TSHZ3: variants seen among roughly 807,000 people sequenced by gnomAD.
TSHZ3 encodes the protein teashirt homolog 3.
TSHZ3 carries 10 observed loss-of-function variants against 64.5 expected under a neutral mutation model. That is an observed-to-expected ratio of 0.16 (90% confidence interval 0.10 to 0.26). TSHZ3 has a LOEUF of 0.26. Among genes scored for constraint, TSHZ3 ranks in the 10% least tolerant of loss-of-function variants. The probability of loss-of-function intolerance (pLI) is 1.00; values close to 1 mark genes in which losing one functional copy is unlikely to be tolerated. For synonymous variants in TSHZ3, 608 were observed against 593.1 expected, an observed-to-expected ratio of 1.03 and a Z score of -0.36; for missense variants, 1,242 against 1,421.7, an observed-to-expected ratio of 0.87 and a Z score of 2.03.
Position 31,200,667 on chromosome 19 carries a change from T to G in TSHZ3, n.809+4289A>C, listed in dbSNP as rs571164384. ...ACGATGTTGCATACTCATTAGGCAT[T>G]TCCCTAAATCTATAGAACACGCAAT... On this transcript the variant is annotated intron_variant and non_coding_transcript_variant, in intron 5 of 6. Coordinates refer to the TSHZ3 transcript ENST00000651361. 9.9e-5 allele frequency among the ~76,000 whole-genome samples: 15 copies of G among 152,276 alleles called. No homozygotes were observed. In the South Asian group the frequency reaches 3.1e-3, roughly 32 times the overall value.
At chr19:31,214,148 G>T (rs925065610) in intron 4 of TSHZ3, among the ~76,000 whole-genome samples, 1 of 152,154 alleles carries the variant, frequency 6.6e-6, no homozygotes, top group Non-Finnish European at 1.5e-5. Context: ...AAGTTTTGGC[G>T]CTTCCGGCTG....
chr19:31,310,246 C>T (rs1403364726), intron 1 of TSHZ3, among the ~76,000 whole-genome samples: 3 of 152,138 alleles, frequency 2.0e-5, no homozygotes, highest in Non-Finnish European at 4.4e-5. Context: ...TCCAAGCTGC[C>T]TCTCAATGGA....
chr19:31,150,246 G>C (rs549973362), exon 7 of TSHZ3, among the ~76,000 whole-genome samples: 22 of 152,316 alleles, frequency 1.4e-4, no homozygotes, highest in Admixed American at 1.0e-3. Flanking sequence ...AAGTCAGCCC[G>C]TGAGGCCCGT....
chr19:31,239,723 G>A (rs1259878182), intron 3 of TSHZ3, among the ~76,000 whole-genome samples: 1 of 151,146 alleles, frequency 6.6e-6, no homozygotes, highest in African/African-American at 2.4e-5. Context: ...GAGACTACAG[G>A]CATGTGACAA....
intron 1 of TSHZ3, among the ~76,000 whole-genome samples, chr19:31,304,061 G>T (rs1471807006): frequency 6.6e-6 from 1 of 151,552 alleles, no homozygotes; most frequent in Admixed American, 6.6e-5. Flanking sequence ...TGCAACCTCC[G>T]CCTCCCGGGT....
At chr19:31,309,012 G>A (rs1916376483) in intron 1 of TSHZ3, among the ~76,000 whole-genome samples, 1 of 152,238 alleles carries the variant, frequency 6.6e-6, no homozygotes, top group Non-Finnish European at 1.5e-5. Context: ...AGTCTTCTGT[G>A]AGCCAGTGAC....
intron 5 of TSHZ3, among the ~76,000 whole-genome samples, chr19:31,163,321 C>A (rs1330671582): frequency 6.6e-6 from 1 of 152,112 alleles, no homozygotes; most frequent in African/African-American, 2.4e-5. Context: ...AAGATGAAAT[C>A]TGATTATAAA....
At chr19:31,254,491 C>T (rs1003582375) in intron 1 of TSHZ3, among the ~76,000 whole-genome samples, 16 of 152,218 alleles carry the variant, frequency 1.1e-4, no homozygotes, top group Non-Finnish European at 2.1e-4. Context: ...AAATATAAAA[C>T]ACGCTGTGGC....
chr19:31,278,099 C>T lies in TSHZ3; in HGVS notation c.1694G>A (p.Gly565Asp), dbSNP rs1976283670. Residue 565 changes from glycine (G) to aspartate (D), a missense_variant, in exon 2 of 2, where the codon GGC becomes GAC. By Grantham distance (94) the Gly-to-Asp change is moderately conservative (BLOSUM62 -1). Coordinates refer to ENST00000240587, the MANE Select transcript of TSHZ3 (RefSeq NM_020856.4). This position sits in a 1 kb window ranked among gnomAD's most constrained non-coding sequence, Gnocchi z 4.7. ...QLPNMMKLSL[G>D]SSGKSTPLKP... is the part of the protein sequence containing the mutation. ...CAGGGGCGTGCTCTTCCCCGACGAG[C>T]CCAGGGACAACTTCATCATGTTGGG... The T allele has an allele frequency of 6.2e-7, 1 of 1,614,140 alleles. No homozygotes were observed. The highest frequency in any genetic ancestry group is 8.5e-7 in the Non-Finnish European group (1 of 1,180,030).
intron 1 of TSHZ3, among the ~76,000 whole-genome samples, chr19:31,290,205 G>A (rs1976539953): frequency 6.6e-6 from 1 of 152,168 alleles, no homozygotes; most frequent in South Asian, 2.1e-4. Flanking sequence ...GAGCCCTGGT[G>A]GGTGTGAGGG....
intron 1 of TSHZ3, among the ~76,000 whole-genome samples, chr19:31,316,357 G>A (rs1016907545): frequency 2.6e-5 from 4 of 152,176 alleles, no homozygotes; most frequent in African/African-American, 7.2e-5. Context: ...AGGGGAAGAC[G>A]GCACCTCTAA....
chr19:31,308,937 G>GT (rs1916374256), intron 1 of TSHZ3, among the ~76,000 whole-genome samples: 1 of 152,186 alleles, frequency 6.6e-6, no homozygotes, highest in South Asian at 2.1e-4. Flanking sequence ...TAACTTTTTG[G>GT]TGGGGCCCAC....
At chr19:31,159,484 A>G (rs1974345799) in intron 5 of TSHZ3, among the ~76,000 whole-genome samples, 1 of 152,192 alleles carries the variant, frequency 6.6e-6, no homozygotes, top group Non-Finnish European at 1.5e-5. Flanking sequence ...TGAGCTAAAT[A>G]AAAATATTTT....
intron 5 of TSHZ3, among the ~76,000 whole-genome samples, chr19:31,187,388 C>G (rs1017143501): frequency 9.3e-6 from 1 of 107,102 alleles, no homozygotes; most frequent in Non-Finnish European, 1.9e-5. Context: ...TACCAATTCA[C>G]GTTTAATCGT....
chr19:31,322,093 T>C (rs917853563), intron 1 of TSHZ3, among the ~76,000 whole-genome samples: 3 of 152,198 alleles, frequency 2.0e-5, no homozygotes, highest in African/African-American at 7.2e-5. Context: ...TGGTTTTCTG[T>C]TCTTGTGTTA....
chr19:31,203,224 T>C (rs779065678), intron 5 of TSHZ3, among the ~76,000 whole-genome samples: 1 of 152,002 alleles, frequency 6.6e-6, no homozygotes, highest in Non-Finnish European at 1.5e-5. Context: ...GGAAACACCA[T>C]GTATGAATGC....
chr19:31,206,094 TGG>T, intron 4 of TSHZ3, among the ~76,000 whole-genome samples: 1 of 150,834 alleles, frequency 6.6e-6, no homozygotes, highest in African/African-American at 2.4e-5. Context: ...GATGGATGGA[TGG>T]ATGGATGGAT....
chr19:31,282,455 C>T (rs1976379554), intron 1 of TSHZ3, among the ~76,000 whole-genome samples: 1 of 152,158 alleles, frequency 6.6e-6, no homozygotes, highest in Non-Finnish European at 1.5e-5. Context: ...TGAAAGAGTC[C>T]TCTGTGGGTG....
intron 1 of TSHZ3, among the ~76,000 whole-genome samples, chr19:31,347,639 G>A (rs996385692): frequency 4.6e-5 from 7 of 152,084 alleles, no homozygotes; most frequent in South Asian, 2.1e-4. Flanking sequence ...CTAGGGAGGC[G>A]GCAAGCTCCC....
Sources: gnomAD v4.1 joint callset for allele counts (sites outside exome capture counted in the v4.1 genomes callset) on GRCh38, gnomAD v4.1.1 for gene constraint, Gnocchi (gnomAD v3.1) non-coding constraint, MANE v1.5 for transcripts, NCBI Gene and HGNC (gene_info 2026-07-23, HGNC 2026-07-21) for gene names.